The following VPS35L variants were observed in gnomAD, a reference collection of about 807,000 sequenced individuals.
The protein encoded by VPS35L is VPS35 endosomal protein-sorting factor-like.
VPS35L carries 83 observed loss-of-function variants against 133.0 expected under a neutral mutation model. The ratio of observed to expected loss-of-function variants is 0.62; its 90% CI spans 0.52 to 0.75. The LOEUF (loss-of-function observed/expected upper bound fraction) is 0.75. Among genes scored for constraint, VPS35L ranks in the 30% least tolerant of loss-of-function variants. The probability of loss-of-function intolerance (pLI) is 0.00; values close to 1 mark genes in which losing one functional copy is unlikely to be tolerated. For synonymous variants in VPS35L, 423 were observed against 449.9 expected (o/e 0.94, Z 0.76); for missense variants, 1,083 against 1,206.8 (o/e 0.90, Z 1.52).
chr16:19,643,465 G>A (rs1973846809), intron 22 of VPS35L, among the ~76,000 whole-genome samples: 1 of 152,176 alleles, frequency 6.6e-6, no homozygotes, highest in African/African-American at 2.4e-5. Flanking sequence ...TATCTGGGGT[G>A]TTGTCCTTAT....
At position 19,657,103 on chromosome 16, in the gene VPS35L, C is replaced by A. The variant is rs1021375713; in HGVS notation, c.2221+5013C>A. Among the ~76,000 whole-genome samples the A allele has an allele frequency of 2.0e-5, 3 of 151,418 alleles. No homozygotes were observed. In the East Asian group the frequency reaches 5.8e-4, roughly 29 times the overall value. ...GCTTCAGCCTCCCAAATAGCTGGGA[C>A]TACAGGCGTGCACCACCACACCGGG... On this transcript the variant is annotated intron_variant, in intron 26 of 30. Transcript: ENST00000417362.
chr16:19,669,430 T>C, intron 27 of VPS35L, 131 bp downstream of exon 27: 1 of 1,118,368 alleles, frequency 8.9e-7, no homozygotes, highest in Non-Finnish European at 1.2e-6. Flanking sequence ...CAGTTAGGTA[T>C]TTGAATTGCT....
intron 28 of VPS35L, among the ~76,000 whole-genome samples, chr16:19,686,518 A>G (rs1281829351): frequency 6.6e-6 from 1 of 152,176 alleles, no homozygotes; most frequent in Non-Finnish European, 1.5e-5. Context: ...TGTGAAGCCA[A>G]GGCAGCCCTC....
intron 14 of VPS35L, among the ~76,000 whole-genome samples, chr16:19,620,756 GC>G: frequency 6.6e-6 from 1 of 152,086 alleles, no homozygotes; most frequent in East Asian, 1.9e-4. Flanking sequence ...TTTGAGACCA[GC>G]CTGGCCAACA....
chr16:19,615,514 G>A (rs28448555), intron 12 of VPS35L, among the ~76,000 whole-genome samples: 3,070 of 152,148 alleles, frequency 0.02, 114 homozygotes, highest in African/African-American at 0.071. Flanking sequence ...GCCAAGTGTC[G>A]TGACACATGC....
chr16:19,583,689 T>C (rs1209748457), intron 7 of VPS35L, among the ~76,000 whole-genome samples: 2 of 147,700 alleles, frequency 1.4e-5, no homozygotes, highest in African/African-American at 5.0e-5. Context: ...ACTACACCAC[T>C]CCAGCCTGGG....
intron 24 of VPS35L, among the ~76,000 whole-genome samples, chr16:19,649,187 C>T (rs1974048702): frequency 6.6e-6 from 1 of 151,996 alleles, no homozygotes; most frequent in Non-Finnish European, 1.5e-5. Flanking sequence ...GATGAGGTTT[C>T]ACCATGTTGG....
chr16:19,638,336 A>T (rs1973683909), intron 20 of VPS35L, among the ~76,000 whole-genome samples: 1 of 152,194 alleles, frequency 6.6e-6, no homozygotes, highest in Non-Finnish European at 1.5e-5. Flanking sequence ...ATTGCCTCAC[A>T]TTAGTTTCAT....
At chr16:19,686,497 C>T (rs918230467) in intron 28 of VPS35L, among the ~76,000 whole-genome samples, 13 of 152,078 alleles carry the variant, frequency 8.5e-5, no homozygotes, top group Non-Finnish European at 1.8e-4. Flanking sequence ...GAGTACAACT[C>T]AGGATGCTTC....
chr16:19,634,426 A>C (rs1973560526), intron 19 of VPS35L, among the ~76,000 whole-genome samples: 1 of 152,014 alleles, frequency 6.6e-6, no homozygotes, highest in Non-Finnish European at 1.5e-5. Context: ...TCAAAAAAAA[A>C]AAAAAAAAAC....
At chr16:19,653,018 G>C (rs190256104) in intron 26 of VPS35L, among the ~76,000 whole-genome samples, 1 of 152,320 alleles carries the variant, frequency 6.6e-6, no homozygotes, top group Non-Finnish European at 1.5e-5. Flanking sequence ...TGAACAGGTC[G>C]TTCCTGTGGG....
intron 7 of VPS35L, among the ~76,000 whole-genome samples, chr16:19,588,423 C>G (rs1971940966): frequency 6.6e-6 from 1 of 151,986 alleles, no homozygotes; most frequent in African/African-American, 2.4e-5. Flanking sequence ...AACTCCTGAC[C>G]TCAGGTGATC....
intron 27 of VPS35L, among the ~76,000 whole-genome samples, chr16:19,677,643 G>T (rs1975109731): frequency 6.6e-6 from 1 of 152,166 alleles, no homozygotes; most frequent in East Asian, 1.9e-4. Flanking sequence ...TGGCACATCA[G>T]GAGGGCACAG....
Position 19,699,660 on chromosome 16 carries a change from G to C in VPS35L, c.2793+12G>C. On this transcript the variant is annotated intron_variant, in intron 30 of 30. Transcript: ENST00000417362. The surrounding 1 kb of genome is among the most constrained non-coding windows in gnomAD (Gnocchi z 4.2). ...ACACCAGGACCATGGTGAGGCGCTC[G>C]GAGGGCCCCGTGGTATAAGCCCACT... 6.2e-7 allele frequency: 1 copy of C among 1,612,222 alleles called. No individual in the cohort carries two copies.
chr16:19,683,720 A>G (rs1975364754), intron 28 of VPS35L, among the ~76,000 whole-genome samples: 1 of 152,208 alleles, frequency 6.6e-6, no homozygotes, highest in Non-Finnish European at 1.5e-5. Context: ...ATCTAAGTTG[A>G]TGCTATGTTT....
chr16:19,574,739 T>C (rs1415103271), intron 4 of VPS35L, among the ~76,000 whole-genome samples: 3 of 152,158 alleles, frequency 2.0e-5, no homozygotes, highest in South Asian at 2.1e-4. Flanking sequence ...CTGACATTTA[T>C]TGGGTGGAGG....
chr16:19,613,773 C>T (rs948575206), intron 12 of VPS35L, among the ~76,000 whole-genome samples: 1 of 152,122 alleles, frequency 6.6e-6, no homozygotes, highest in Non-Finnish European at 1.5e-5. Context: ...TTGCATGGAG[C>T]TCAGGGTGAG....
chr16:19,608,575 T>C lies in VPS35L; in HGVS notation c.881+301T>C, dbSNP rs189136308. 5.2e-4 allele frequency: 207 copies of C among 397,564 alleles called. 1 individual carries two copies. The highest frequency in any genetic ancestry group is 1.5e-4 in the Non-Finnish European group (33 of 222,968). 24.6% of individuals were successfully genotyped at this position (397,564 alleles called of 1,614,324 possible). On this transcript the variant is annotated intron_variant, in intron 10 of 30. Transcript: ENST00000417362. ...AAATGCTTCATATTTGTGTTTTCTC[T>C]GATTCCAAGAACTTGAAAGAACAGG...
intron 29 of VPS35L, chr16:19,694,522 C>T (rs989290226): frequency 2.0e-5 from 3 of 151,390 alleles, no homozygotes; most frequent in African/African-American, 7.3e-5. Context: ...CAGGGTCTTA[C>T]TCTGTCATCC....
Sources: allele counts gnomAD v4.1 joint callset (sites outside exome capture counted in the v4.1 genomes callset), GRCh38; gene constraint gnomAD v4.1.1; non-coding constraint Gnocchi (gnomAD v3.1); transcripts MANE v1.5; gene names NCBI Gene and HGNC (gene_info 2026-07-23, HGNC 2026-07-21).